Variants in TMEM232 observed in about 807,000 individuals in gnomAD.
The protein encoded by TMEM232 is transmembrane protein 232.
A neutral mutation model predicts 78.8 loss-of-function variants in TMEM232; 80 were observed. That is an observed-to-expected ratio of 1.01 (90% CI 0.85 to 1.22). The LOEUF is 1.22. Among genes scored for constraint, TMEM232 ranks in the 50% most tolerant of loss-of-function variants. The pLI is 0.00. For synonymous variants in TMEM232, 297 were observed against 254.3 expected, an observed-to-expected ratio of 1.17 and a Z score of -1.60; for missense variants, 881 against 742.2, an observed-to-expected ratio of 1.19 and a Z score of -2.17.
intron 12 of TMEM232, among the ~76,000 whole-genome samples, chr5:110,480,460 T>C (rs925591809): frequency 5.3e-5 from 8 of 152,050 alleles, no homozygotes; most frequent in African/African-American, 1.4e-4. Flanking sequence ...TATTAAGTTA[T>C]TGACCATACC....
At chr5:110,607,283 T>C (rs923163707) in intron 8 of TMEM232, among the ~76,000 whole-genome samples, 3 of 152,028 alleles carry the variant, frequency 2.0e-5, no homozygotes, top group Non-Finnish European at 4.4e-5. Flanking sequence ...CAGAGGGACT[T>C]GTCCAAGTTC....
chr5:110,524,400 AAAG>A (rs1245169423), intron 12 of TMEM232, among the ~76,000 whole-genome samples: 1,420 of 69,108 alleles, frequency 0.021, 27 homozygotes, highest in African/African-American at 0.09. Context: ...AGAAAGAAAG[AAAG>A]AAAGAAAGAA....
At chr5:110,615,762 G>T (rs1055915364) in intron 8 of TMEM232, among the ~76,000 whole-genome samples, 1 of 151,852 alleles carries the variant, frequency 6.6e-6, no homozygotes, top group Non-Finnish European at 1.5e-5. Flanking sequence ...CTAACCAAAA[G>T]ACTGTTAGAC....
intron 1 of TMEM232, among the ~76,000 whole-genome samples, chr5:110,688,093 ATGTGTGTG>A (rs10528620): frequency 4.0e-5 from 6 of 148,854 alleles, no homozygotes; most frequent in Admixed American, 2.0e-4. Flanking sequence ...CTCTGAGGGG[ATGTGTGTG>A]TGTGTGTGTG....
rs981020623 is a variant in TMEM232, at chr5:110,613,356, T to C, written c.902+5073A>G. ...CATCAGAAATGGGCATATGAGTACA[T>C]TTCAATTTCATGGGCACAAGCACAA... On this transcript the variant is annotated intron_variant, in intron 8 of 13. Coordinates refer to ENST00000455884, the MANE Select transcript of TMEM232 (RefSeq NM_001039763.4). Among the ~76,000 whole-genome samples the C allele has an allele frequency of 4.7e-4, 71 of 152,198 alleles. 1 individual carries two copies. The highest frequency in any genetic ancestry group is 8.8e-5 in the Non-Finnish European group (6 of 68,032).
At chr5:110,452,161 AT>A (rs1333055275) in intron 12 of TMEM232, among the ~76,000 whole-genome samples, 1 of 152,138 alleles carries the variant, frequency 6.6e-6, no homozygotes, top group African/African-American at 2.4e-5. Flanking sequence ...TGCCCCAAAA[AT>A]ATTCCATGTC....
At chr5:110,431,133 G>A (rs780398653) in intron 12 of TMEM232, among the ~76,000 whole-genome samples, 4 of 151,474 alleles carry the variant, frequency 2.6e-5, no homozygotes, top group Non-Finnish European at 5.9e-5. Flanking sequence ...CTCAAGAGAA[G>A]TGAGCACCAC....
intron 10 of TMEM232, among the ~76,000 whole-genome samples, chr5:110,575,653 A>C (rs150957326): frequency 6.6e-6 from 1 of 151,996 alleles, no homozygotes; most frequent in East Asian, 1.9e-4. Flanking sequence ...AACTCAACCC[A>C]TGGAGAATGG....
chr5:110,502,833 C>T (rs1225246591), intron 12 of TMEM232, among the ~76,000 whole-genome samples: 1 of 152,194 alleles, frequency 6.6e-6, no homozygotes. Flanking sequence ...AGTTCATTCT[C>T]TTCCAGCAGG....
chr5:110,618,011 A>G (rs1310407837), intron 8 of TMEM232: 1 of 170,224 alleles, frequency 5.9e-6, no homozygotes, highest in Non-Finnish European at 1.2e-5. Context: ...ACCAAAAAAA[A>G]TTTTTTTTTA....
chr5:110,688,371 G>C (rs1341321774), intron 1 of TMEM232, among the ~76,000 whole-genome samples: 2 of 152,192 alleles, frequency 1.3e-5, no homozygotes, highest in African/African-American at 4.8e-5. Flanking sequence ...ATGACAGTAA[G>C]TGTCATATGG....
chr5:110,660,466 G>C (rs1789631816), intron 2 of TMEM232, among the ~76,000 whole-genome samples: 1 of 151,816 alleles, frequency 6.6e-6, no homozygotes, highest in African/African-American at 2.4e-5. Flanking sequence ...TGATAAACAA[G>C]TCCAGAAAGG....
At chr5:110,629,005 T>C (rs1784782961) in intron 5 of TMEM232, 1 of 152,084 alleles carries the variant, frequency 6.6e-6, no homozygotes, top group East Asian at 1.9e-4. Flanking sequence ...CATACACCAT[T>C]TGTAGACTTA....
chr5:110,445,589 A>AACTT (rs1759560543), intron 12 of TMEM232, among the ~76,000 whole-genome samples: 1 of 152,134 alleles, frequency 6.6e-6, no homozygotes, highest in Non-Finnish European at 1.5e-5. Flanking sequence ...CATAATTAAC[A>AACTT]ACTTAAAACA....
At chr5:110,665,623 T>A (rs770451413) in intron 2 of TMEM232, among the ~76,000 whole-genome samples, 2 of 150,958 alleles carry the variant, frequency 1.3e-5, no homozygotes, top group African/African-American at 4.9e-5. Flanking sequence ...GGGAAATCCA[T>A]CCCGGTTATC....
Position 110,667,371 on chromosome 5 carries a change from G to A in TMEM232, c.-12-7C>T. The A allele has an allele frequency of 1.4e-6, 2 of 1,479,292 alleles. No homozygotes were observed. The highest frequency in any genetic ancestry group is 1.4e-5 in the African/African-American group (1 of 69,512). 91.6% of individuals were successfully genotyped at this position (1,479,292 alleles called of 1,614,324 possible). A position where few individuals can be genotyped will look rare whatever the true frequency, so the allele number is the denominator to read the frequency against. On this transcript the variant is annotated splice_polypyrimidine_tract_variant and splice_region_variant and intron_variant, in intron 1 of 13. Transcript: ENST00000455884. ...TATTCATAAATCATAAATTCTAAAAGGAATATTAAATGTATGTTAGCATAC... is the reference window on the plus strand; with the variant it reads ...TATTCATAAATCATAAATTCTAAAAAGAATATTAAATGTATGTTAGCATAC...
At chr5:110,697,395 C>T (rs1794912793) in intron 1 of TMEM232, among the ~76,000 whole-genome samples, 2 of 152,130 alleles carry the variant, frequency 1.3e-5, no homozygotes, top group South Asian at 4.1e-4. Context: ...TGGGCAAGGA[C>T]TTCATGTCTA....
chr5:110,573,392 T>C (rs761111321), intron 10 of TMEM232, among the ~76,000 whole-genome samples: 3 of 152,050 alleles, frequency 2.0e-5, no homozygotes, highest in African/African-American at 4.8e-5. Flanking sequence ...TTCAAAACAC[T>C]GATGTTATGC....
intron 11 of TMEM232, among the ~76,000 whole-genome samples, chr5:110,529,218 TCTAAA>T (rs1400553913): frequency 6.6e-6 from 1 of 152,112 alleles, no homozygotes; most frequent in African/African-American, 2.4e-5. Flanking sequence ...TAATGCACAA[TCTAAA>T]CTGTTCTTGA....
Sources: gnomAD v4.1 joint callset for allele counts (sites outside exome capture counted in the v4.1 genomes callset) on GRCh38, gnomAD v4.1.1 for gene constraint, MANE v1.5 for transcripts, NCBI Gene and HGNC (gene_info 2026-07-23, HGNC 2026-07-21) for gene names.